The following HDAC6 variants were observed in gnomAD, a reference collection of about 807,000 sequenced individuals.
HDAC6 encodes the protein histone deacetylase 6.
A neutral mutation model predicts 88.9 loss-of-function variants in HDAC6; 5 were observed. The observed-to-expected ratio is 0.06, with a 90% CI of 0.03 to 0.12. HDAC6 has a LOEUF of 0.12. Ranked by LOEUF, HDAC6 falls within the 10% of genes least tolerant of loss-of-function variation. The pLI, the probability that HDAC6 is intolerant of heterozygous loss-of-function variation, is 1.00. For synonymous variants in HDAC6, 378 were observed against 398.0 expected (o/e 0.95, Z 0.60); for missense variants, 706 against 1,014.4 (o/e 0.70, Z 4.13).
intron 6 of HDAC6, 45 bp downstream of exon 6, chrX:48,805,716 G>T: frequency 9.4e-7 from 1 of 1,061,122 alleles, no homozygotes. Flanking sequence ...AGCCTGCCCT[G>T]GACAAACCAG....
intron 4 of HDAC6, 58 bp from the exon 5 acceptor site, chrX:48,805,365 GAGATGTGGAGAGAAC>G: frequency 2.7e-6 from 2 of 753,715 alleles, no homozygotes; most frequent in Non-Finnish European, 4.0e-6. Flanking sequence ...GGTGGATGGG[GAGATGTGGAGAGAAC>G]AGATGTGGAG....
chrX:48,822,659 G>A lies in HDAC6; in HGVS notation c.2377G>A (p.Ala793Thr). The A allele has an allele frequency of 2.1e-5, 25 of 1,206,018 alleles. No individual in the cohort carries two copies. The highest frequency in any genetic ancestry group is 2.8e-5 in the Non-Finnish European group (25 of 892,001). Residue 793 changes from alanine (A) to threonine (T), a missense_variant, in exon 24 of 29, where the codon GCC becomes ACC. Ala to Thr is a moderately conservative substitution (Grantham distance 58). Around this residue, in one of 9 missense-constraint regions of HDAC6, gnomAD observed 138 missense variants for 303.5 expected, o/e 0.45. Coordinates refer to ENST00000334136, the MANE Select transcript of HDAC6 (RefSeq NM_006044.4). ...NLTSISESMA[A>T]CTRSLLGDPP... ...GACATCCATCTCAGAGTCCATGGCTGCCTGCACTCGCTCCCTCCTTGGAGA... is the reference window on the plus strand; with the variant it reads ...GACATCCATCTCAGAGTCCATGGCTACCTGCACTCGCTCCCTCCTTGGAGA...
At chrX:48,806,832 T>C in intron 8 of HDAC6, 126 bp downstream of exon 8, 1 of 448,290 alleles carries the variant, frequency 2.2e-6, no homozygotes. Flanking sequence ...AGAATATAAT[T>C]AAAAATCTGT....
intron 20 of HDAC6, chrX:48,817,714 C>G (rs2063011247): frequency 2.4e-6 from 1 of 413,923 alleles, no homozygotes; most frequent in Admixed American, 4.2e-5. Flanking sequence ...CATTTCTGGC[C>G]TATAGCAGCT....
chrX:48,814,324 G>T lies in HDAC6; in HGVS notation c.807-116G>T, dbSNP rs2062947454. On this transcript the variant is annotated intron_variant, in intron 10 of 28. Coordinates refer to ENST00000334136, the MANE Select transcript of HDAC6 (RefSeq NM_006044.4). ...TGGGGAAATTAATGAATGAGAGAAT[G>T]AACGAGTGGTTGAATGGGGAAATGA... The T allele has an allele frequency of 1.0e-5, 7 of 698,937 alleles. No individual in the cohort carries two copies. In the East Asian group the frequency reaches 2.3e-4, roughly 23 times the overall value. The allele number at this position is 698,937 out of a possible 1,213,427, so 57.6% of individuals were successfully genotyped here. A position where few individuals can be genotyped will look rare whatever the true frequency, so the allele number is the denominator to read the frequency against.
Position 48,805,627 on chromosome X carries a change from C to T in HDAC6, c.397-4C>T, listed in dbSNP as rs2062804644. ...ACCCCACTTTATTCCTCATCTCTCC[C>T]CAGGCCCGGTTTGCTGAAAAGGAAG... is the stretch of plus-strand genomic sequence containing the variant. On this transcript the variant is annotated splice_polypyrimidine_tract_variant and splice_region_variant and intron_variant, in intron 5 of 28. Transcript: ENST00000334136. 1 of 1,183,961 alleles carries T rather than the reference C, an allele frequency of 8.4e-7. No individual in the cohort carries two copies. Among genetic ancestry groups the T allele is most frequent in the Non-Finnish European group, 1.1e-6 (1 of 880,435 alleles).
chrX:48,817,587 G>A, intron 20 of HDAC6, 128 bp downstream of exon 20: 1 of 626,251 alleles, frequency 1.6e-6, no homozygotes, highest in South Asian at 3.2e-5. Flanking sequence ...AGAAGTAAGG[G>A]TGCAGTCCTT....
chrX:48,809,801 A>G (rs2062872285), intron 10 of HDAC6, among the ~76,000 whole-genome samples: 1 of 98,560 alleles, frequency 1.0e-5, no homozygotes, highest in Non-Finnish European at 2.1e-5. Context: ...GACCCCATCT[A>G]AAAAAAAAAA....
In HDAC6 at chrX:48,815,962, T is replaced by G. The variant is rs1557027463; in HGVS notation, c.1403T>G (p.Val468Gly). ...GAGGAAGGACCCTGGGAGCCCCCTGTGCTCCCAATCCTGACATGGCCAGTG... is the reference window on the plus strand; with the variant it reads ...GAGGAAGGACCCTGGGAGCCCCCTGGGCTCCCAATCCTGACATGGCCAGTG... ...SEEEGPWEPP[V>G]LPILTWPVLQ... is the part of the protein sequence containing the mutation. The change falls in exon 17 of 29, where the codon GTG becomes GGG. Residue 468 changes from valine to glycine, a missense_variant. By Grantham distance (109) the Val-to-Gly change is moderately radical. Coordinates refer to ENST00000334136, the MANE Select transcript of HDAC6 (RefSeq NM_006044.4). 1 of 1,208,164 alleles carries G rather than the reference T, an allele frequency of 8.3e-7. No homozygotes were observed. Among genetic ancestry groups the G allele is most frequent in the South Asian group, 1.8e-5 (1 of 56,900 alleles).
intron 5 of HDAC6, 27 bp downstream of exon 5, chrX:48,805,549 G>A (rs1234918816): frequency 2.5e-6 from 3 of 1,190,023 alleles, no homozygotes; most frequent in Non-Finnish European, 2.3e-6. Flanking sequence ...AACACTCTGG[G>A]TGAAGGGCAG....
chrX:48,814,772 G>A, intron 12 of HDAC6, 32 bp downstream of exon 12: 1 of 1,209,172 alleles, frequency 8.3e-7, no homozygotes, highest in East Asian at 3.0e-5. Context: ...TTGGGAGGAG[G>A]AGTGGCCTTG....
intron 19 of HDAC6, 34 bp downstream of exon 19, chrX:48,816,667 T>C (rs1269154471): frequency 6.3e-6 from 7 of 1,109,474 alleles, no homozygotes; most frequent in Non-Finnish European, 8.4e-6. Flanking sequence ...GAGGAGGACC[T>C]GGGGGGAATG....
chrX:48,821,491 CTTTTTTTTT>C (rs869154128), intron 23 of HDAC6, among the ~76,000 whole-genome samples: 2 of 77,514 alleles, frequency 2.6e-5, no homozygotes, highest in African/African-American at 4.8e-5. Flanking sequence ...ATACCTGCCT[CTTTTTTTTT>C]TTTTTTTTTT....
At chrX:48,805,234 C>T (rs1439721088) in intron 4 of HDAC6, among the ~76,000 whole-genome samples, 1 of 111,591 alleles carries the variant, frequency 9.0e-6, no homozygotes, top group East Asian at 2.8e-4. Flanking sequence ...GAGGAGATGC[C>T]GCCACAGCCC....
chrX:48,808,333 C>T lies in HDAC6; in HGVS notation c.806+7C>T. On this transcript the variant is annotated splice_region_variant and intron_variant, in intron 10 of 28. Coordinates refer to ENST00000334136, the MANE Select transcript of HDAC6 (RefSeq NM_006044.4). ...CCTTCGACCAGGACCCCAGGTATAC[C>T]CCGACTCCCACCTAGGTGCTAGACT... 8.5e-7 allele frequency: 1 copy of T among 1,182,058 alleles called. No individual in the cohort carries two copies. Among genetic ancestry groups the T allele is most frequent in the Non-Finnish European group, 1.1e-6 (1 of 872,271 alleles).
chrX:48,813,757 G>A (rs1557026405), intron 10 of HDAC6: 1 of 111,860 alleles, frequency 8.9e-6, no homozygotes, highest in African/African-American at 3.3e-5. Context: ...GAGGTGGCCT[G>A]TAAGGCATTG....
rs1557028294 is a variant in HDAC6, at chrX:48,818,126, G to A, written c.1994+17G>A. 1.7e-6 allele frequency: 2 copies of A among 1,188,347 alleles called. No homozygotes were observed. Among genetic ancestry groups the A allele is most frequent in the Admixed American group, 4.7e-5 (2 of 42,489 alleles). Reference sequence around the variant, plus strand: ...TGACCCCAGGTAAGGGCTGCAGTCAGGGGCCGCAGTGTGATCAGGGAGGCG... The same window carrying A: ...TGACCCCAGGTAAGGGCTGCAGTCAAGGGCCGCAGTGTGATCAGGGAGGCG... On this transcript the variant is annotated intron_variant, in intron 21 of 28. Transcript: ENST00000334136.
intron 10 of HDAC6, among the ~76,000 whole-genome samples, chrX:48,808,786 GT>G (rs1206599430): frequency 3.6e-5 from 4 of 112,468 alleles, no homozygotes; most frequent in Non-Finnish European, 7.5e-5. Context: ...TAATACAGAA[GT>G]GTCTGAAGCA....
At chrX:48,820,825 T>G (rs1350271616) in intron 23 of HDAC6, among the ~76,000 whole-genome samples, 7 of 110,824 alleles carry the variant, frequency 6.3e-5, no homozygotes, top group East Asian at 2.8e-4. Context: ...GATCTGGTTT[T>G]TTGTTGTTGT....
Sources: allele counts gnomAD v4.1 joint callset (sites outside exome capture counted in the v4.1 genomes callset), GRCh38; gene constraint gnomAD v4.1.1; regional missense constraint gnomAD v4.1.1; transcripts MANE v1.5; gene names NCBI Gene and HGNC (gene_info 2026-07-23, HGNC 2026-07-21).